The following CSMD1 variants were observed in gnomAD, a reference collection of about 807,000 sequenced individuals.
CSMD1 encodes the protein CUB and Sushi multiple domains 1.
Under a neutral mutation model 417.5 loss-of-function variants are expected in CSMD1, and 213 were observed. That is an observed-to-expected ratio of 0.51 (90% CI 0.46 to 0.57). CSMD1 has a LOEUF of 0.57. CSMD1 is among the 20% of genes least tolerant of loss of function. The pLI, the probability that CSMD1 is intolerant of heterozygous loss-of-function variation, is 0.00. For missense variants in CSMD1, 6,923 were observed against 4,529.7 expected, an observed-to-expected ratio of 1.53 and a Z score of -15.17; for synonymous variants, 2,862 against 1,736.8, an observed-to-expected ratio of 1.65 and a Z score of -16.11.
intron 1 of CSMD1, among the ~76,000 whole-genome samples, chr8:4,649,379 A>C (rs1223466404): frequency 6.6e-6 from 1 of 152,214 alleles, no homozygotes; most frequent in African/African-American, 2.4e-5. Flanking sequence ...TTTAATCATC[A>C]CAAATGATCT....
intron 6 of CSMD1, among the ~76,000 whole-genome samples, chr8:3,715,655 G>T (rs571737605): frequency 2.0e-5 from 3 of 152,102 alleles, no homozygotes; most frequent in African/African-American, 7.2e-5. Flanking sequence ...TGATTCTCCT[G>T]CCTTGGCCTC....
intron 3 of CSMD1, among the ~76,000 whole-genome samples, chr8:4,289,748 A>G (rs969118112): frequency 6.6e-6 from 1 of 152,198 alleles, no homozygotes; most frequent in Admixed American, 6.5e-5. Flanking sequence ...CATTGTGAAT[A>G]AAACATCTCC....
intron 7 of CSMD1, among the ~76,000 whole-genome samples, chr8:3,702,518 T>C (rs1277712298): frequency 6.6e-6 from 1 of 152,190 alleles, no homozygotes; most frequent in Non-Finnish European, 1.5e-5. Context: ...AAATGACAGG[T>C]ACTGTTACCA....
In CSMD1 at chr8:3,206,494, G is replaced by GT. The variant is rs551581370; in HGVS notation, c.4868-875_4868-874insA. On this transcript the variant is annotated intron_variant, in intron 30 of 69. Coordinates refer to ENST00000635120, the MANE Select transcript of CSMD1 (RefSeq NM_033225.6). ...TATGTCTGTGCGTGTATGTGTGTGT[G>GT]GGTGTATGTGTGTGTGGTGTATGTC... Among the ~76,000 whole-genome samples the GT allele has an allele frequency of 9.3e-4, 123 of 132,372 alleles. 2 individuals carry two copies. The highest frequency in any genetic ancestry group is 3.2e-3 in the African/African-American group (114 of 35,138). The allele number at this position is 132,372 out of a possible 152,430, so 86.8% of individuals were successfully genotyped here.
chr8:3,868,117 C>T (rs1030082163), intron 5 of CSMD1, among the ~76,000 whole-genome samples: 1 of 152,050 alleles, frequency 6.6e-6, no homozygotes, highest in Non-Finnish European at 1.5e-5. Context: ...TTTAAATTAT[C>T]CTAGCACTTT....
At chr8:4,108,039 GAA>G (rs1801657588) in intron 3 of CSMD1, among the ~76,000 whole-genome samples, 1 of 144,882 alleles carries the variant, frequency 6.9e-6, no homozygotes, top group Non-Finnish European at 1.5e-5. Context: ...GAGAGAGAGA[GAA>G]AGAGAGACAG....
chr8:4,642,059 C>T lies in CSMD1; in HGVS notation c.86-4501G>A, dbSNP rs114093908. Among the ~76,000 whole-genome samples the T allele has an allele frequency of 4.6e-3, 708 of 152,262 alleles. 3 individuals carry two copies. The highest frequency in any genetic ancestry group is 0.016 in the African/African-American group (683 of 41,542). On this transcript the variant is annotated intron_variant, in intron 1 of 69. Transcript: ENST00000635120. ...GCAGGAACCAGTAAGAACTGACCTA[C>T]GAAGTGCCTTGCTTTGGAGGTGACC...
intron 3 of CSMD1, among the ~76,000 whole-genome samples, chr8:4,055,049 C>G (rs918470747): frequency 6.6e-6 from 1 of 152,126 alleles, no homozygotes; most frequent in African/African-American, 2.4e-5. Flanking sequence ...CATGAATATA[C>G]TATATTCAAA....
At chr8:3,904,409 G>A (rs1584940900) in intron 5 of CSMD1, among the ~76,000 whole-genome samples, 1 of 152,054 alleles carries the variant, frequency 6.6e-6, no homozygotes, top group African/African-American at 2.4e-5. Context: ...ATGGACCTAT[G>A]TTAGTGCTTC....
chr8:4,985,832 T>A (rs1276713325), intron 1 of CSMD1, among the ~76,000 whole-genome samples: 1 of 152,118 alleles, frequency 6.6e-6, no homozygotes, highest in Non-Finnish European at 1.5e-5. Context: ...CCCTCACAGA[T>A]GGATTGGTCT....
At chr8:4,260,806 A>T (rs1252672583) in intron 3 of CSMD1, among the ~76,000 whole-genome samples, 2 of 152,124 alleles carry the variant, frequency 1.3e-5, no homozygotes, top group Non-Finnish European at 2.9e-5. Flanking sequence ...TCTCCTGGAA[A>T]ATTATTATGT....
intron 5 of CSMD1, among the ~76,000 whole-genome samples, chr8:3,890,597 A>T (rs1246192501): frequency 6.6e-6 from 1 of 152,174 alleles, no homozygotes; most frequent in African/African-American, 2.4e-5. Context: ...GATTTCAGGA[A>T]ATAAAGCACG....
At chr8:3,836,991 A>T (rs141881522) in intron 5 of CSMD1, among the ~76,000 whole-genome samples, 2 of 152,072 alleles carry the variant, frequency 1.3e-5, no homozygotes, top group African/African-American at 4.8e-5. Context: ...TAAGATCCTT[A>T]ATTAGCTACT....
At chr8:4,862,533 A>G (rs927048778) in intron 1 of CSMD1, among the ~76,000 whole-genome samples, 2 of 152,100 alleles carry the variant, frequency 1.3e-5, no homozygotes, top group Non-Finnish European at 2.9e-5. Flanking sequence ...GAAGAAGAGT[A>G]GTGGAGGTGG....
chr8:3,596,403 A>G (rs766081246), intron 8 of CSMD1, among the ~76,000 whole-genome samples: 14 of 152,184 alleles, frequency 9.2e-5, no homozygotes, highest in African/African-American at 1.9e-4. Flanking sequence ...GGCCTCCACG[A>G]TAAGTCAACA....
intron 7 of CSMD1, among the ~76,000 whole-genome samples, chr8:3,644,945 C>A (rs775380268): frequency 1.3e-4 from 15 of 119,438 alleles, no homozygotes; most frequent in Admixed American, 3.0e-4. Flanking sequence ...TCCAGGGTTA[C>A]GGATCACTAA....
intron 1 of CSMD1, among the ~76,000 whole-genome samples, chr8:4,650,541 G>A (rs918015893): frequency 2.0e-5 from 3 of 151,930 alleles, no homozygotes; most frequent in African/African-American, 7.3e-5. Context: ...TTTGCGACGT[G>A]ATGCTTCTGC....
intron 5 of CSMD1, among the ~76,000 whole-genome samples, chr8:3,774,767 C>T (rs1183382311): frequency 1.3e-5 from 2 of 152,130 alleles, no homozygotes; most frequent in African/African-American, 2.4e-5. Context: ...CTAATGAGTA[C>T]AATATGGATG....
At chr8:4,460,499 G>GA (rs925950927) in intron 2 of CSMD1, among the ~76,000 whole-genome samples, 4 of 151,704 alleles carry the variant, frequency 2.6e-5, no homozygotes, top group Non-Finnish European at 5.9e-5. Context: ...GTATACAATA[G>GA]AAAAAAATGA....
Sources: allele counts gnomAD v4.1 joint callset (sites outside exome capture counted in the v4.1 genomes callset), GRCh38; gene constraint gnomAD v4.1.1; transcripts MANE v1.5; gene names NCBI Gene and HGNC (gene_info 2026-07-23, HGNC 2026-07-21).